The following STIMATE variants were observed in gnomAD, a reference collection of about 807,000 sequenced individuals.
The protein encoded by STIMATE is store-operated calcium entry regulator STIMATE.
Under a neutral mutation model 36.7 loss-of-function variants are expected in STIMATE, and 15 were observed. That is an observed-to-expected ratio of 0.41 (90% CI 0.27 to 0.63). The LOEUF is 0.63. Among genes scored for constraint, STIMATE ranks in the 20% least tolerant of loss-of-function variants. The pLI is 0.32. For synonymous variants in STIMATE, 163 were observed against 162.3 expected, an observed-to-expected ratio of 1.00 and a Z score of -0.03; for missense variants, 305 against 397.3, an observed-to-expected ratio of 0.77 and a Z score of 1.98.
Position 52,868,898 on chromosome 3 carries a change from G to C in STIMATE, c.161-13454C>G, listed in dbSNP as rs527299987. 3.3e-5 allele frequency among the ~76,000 whole-genome samples: 5 copies of C among 152,268 alleles called. No individual in the cohort carries two copies. The South Asian group carries it at 6.2e-4, about 19-fold the overall frequency. On this transcript the variant is annotated intron_variant, in intron 1 of 7. Coordinates refer to ENST00000355083, the MANE Select transcript of STIMATE (RefSeq NM_198563.5). ...GCCTCCCAAAGTGCTGAGATTACAG[G>C]TGTGAGCCAATGCACCTGGCCACAC...
At chr3:52,873,676 G>C (rs183956466) in intron 1 of STIMATE, among the ~76,000 whole-genome samples, 1 of 152,200 alleles carries the variant, frequency 6.6e-6, no homozygotes, top group Non-Finnish European at 1.5e-5. Context: ...CCAGGATGCA[G>C]AATTTGACCT....
intron 1 of STIMATE, among the ~76,000 whole-genome samples, chr3:52,882,382 T>C (rs1313741417): frequency 6.6e-6 from 1 of 152,210 alleles, no homozygotes; most frequent in Non-Finnish European, 1.5e-5. Context: ...AAAGGGACTA[T>C]ACAAGGGTGT....
intron 1 of STIMATE, among the ~76,000 whole-genome samples, chr3:52,861,052 T>C (rs758291769): frequency 6.6e-5 from 10 of 152,084 alleles, no homozygotes; most frequent in Non-Finnish European, 1.3e-4. Context: ...CTTTGCAGGA[T>C]GGAGGGGACT....
At chr3:52,847,158 G>A (rs1700922388) in intron 4 of STIMATE, 12 of 930,490 alleles carry the variant, frequency 1.3e-5, no homozygotes, top group African/African-American at 5.4e-5. Flanking sequence ...GATCCTCCCC[G>A]CTTAAGCCTC....
Position 52,838,982 on chromosome 3 carries a change from C to T in STIMATE, c.*1512G>A, listed in dbSNP as rs940507261. ...TGTTCCTAACCATCCGTGGCTGCCT[C>T]TGAGCTTGACAAACCACCAAGCAGT... On this transcript the variant is annotated 3_prime_UTR_variant, in exon 8 of 8. Coordinates refer to ENST00000355083, the MANE Select transcript of STIMATE (RefSeq NM_198563.5). 6.6e-6 allele frequency: 1 copy of T among 152,262 alleles called. No individual in the cohort carries two copies. The highest frequency in any genetic ancestry group is 2.4e-5 in the African/African-American group (1 of 41,444). The allele number at this position is 152,262 out of a possible 1,614,324, so 9.4% of individuals were successfully genotyped here. A position where few individuals can be genotyped will look rare whatever the true frequency, so the allele number is the denominator to read the frequency against.
In STIMATE at chr3:52,845,639, T is replaced by G. The variant is rs540618423; in HGVS notation, c.428-698A>C. On this transcript the variant is annotated intron_variant, in intron 4 of 7. Transcript: ENST00000355083. ...TGACAAAGGTCCATCTGGGACCCCT[T>G]CAGTCACCATGCTTGAGAAACCGAG... Among the ~76,000 whole-genome samples the G allele has an allele frequency of 4.6e-5, 7 of 152,254 alleles. No individual in the cohort carries two copies. In the East Asian group the frequency reaches 1.2e-3, roughly 25 times the overall value.
intron 1 of STIMATE, among the ~76,000 whole-genome samples, chr3:52,882,900 C>T (rs9876403): frequency 0.25 from 37,671 of 152,060 alleles, 4,971 homozygotes; most frequent in Admixed American, 0.37. Context: ...CAGGGGACGC[C>T]GAGAGCACTT....
intron 1 of STIMATE, among the ~76,000 whole-genome samples, chr3:52,865,403 T>G (rs531483761): frequency 1.3e-5 from 2 of 152,188 alleles, no homozygotes; most frequent in Non-Finnish European, 2.9e-5. Context: ...TGGTACCAAT[T>G]TACAGTATGA....
chr3:52,850,529 A>G (rs773579165), intron 3 of STIMATE, among the ~76,000 whole-genome samples: 66 of 152,320 alleles, frequency 4.3e-4, no homozygotes, highest in South Asian at 2.1e-4. Flanking sequence ...ATCAACAGGA[A>G]ACAGAACTTA....
In STIMATE at chr3:52,837,603, T is replaced by C. The variant is rs1700725209; in HGVS notation, c.*2891A>G. The C allele has an allele frequency of 6.6e-6, 1 of 152,282 alleles. No individual in the cohort carries two copies. The highest frequency in any genetic ancestry group is 2.1e-4 in the South Asian group (1 of 4,844). The allele number at this position is 152,282 out of a possible 1,614,324, so 9.4% of individuals were successfully genotyped here. On this transcript the variant is annotated 3_prime_UTR_variant, in exon 8 of 8. Coordinates refer to ENST00000355083, the MANE Select transcript of STIMATE (RefSeq NM_198563.5). ...GTAACAGTACCAACCACCTCTTCCA[T>C]TTGGATATGACAGTTCTACCTCATT... is the stretch of plus-strand genomic sequence containing the variant.
At chr3:52,844,793 G>C in intron 5 of STIMATE, 36 bp downstream of exon 5, 1 of 1,607,332 alleles carries the variant, frequency 6.2e-7, no homozygotes, top group Non-Finnish European at 8.5e-7. Flanking sequence ...CTTGCTCAGC[G>C]TGGCAAGGAG....
intron 1 of STIMATE, 36 bp from the exon 2 acceptor site, chr3:52,855,480 G>A (rs1701076669): frequency 3.7e-6 from 6 of 1,613,664 alleles, no homozygotes; most frequent in South Asian, 2.2e-5. Context: ...GTTTTCCAAA[G>A]AAGTTACATA....
chr3:52,848,656 T>C (rs1333488907), intron 4 of STIMATE: 1 of 152,276 alleles, frequency 6.6e-6, no homozygotes, highest in Non-Finnish European at 1.5e-5. Flanking sequence ...AGCCATGCAC[T>C]GGCTGGGTGA....
At chr3:52,840,700 GTTT>G (rs71901519) in intron 7 of STIMATE, 90 bp from the exon 8 acceptor site, 42,392 of 789,900 alleles carry the variant, frequency 0.054, 4 homozygotes, top group South Asian at 0.088. Flanking sequence ...CAAGTCTCAT[GTTT>G]TTTTTTTTTT....
rs373494346 is a variant in STIMATE, at chr3:52,844,913, G to C, written c.456C>G (p.Val152=). ...YGDPLQCGAW[V]GQCALYIVIM... ...TCACGATGTAAAGAGCGCACTGCCC[G>C]ACCCAGGCTCCACACTGCAGAGGGT... The change falls in exon 5 of 8, where the codon GTC becomes GTG. Residue 152 remains valine, a synonymous_variant. Transcript: ENST00000355083. 1 of 1,613,962 alleles carries C rather than the reference G, an allele frequency of 6.2e-7. No homozygotes were observed. The highest frequency in any genetic ancestry group is 1.7e-5 in the Admixed American group (1 of 60,018).
chr3:52,877,569 CG>C lies in STIMATE; in HGVS notation c.160+19721del, dbSNP rs553365848. On this transcript the variant is annotated intron_variant, in intron 1 of 7. Transcript: ENST00000355083. Reference sequence around the variant, plus strand: ...AGCCTCTGACCTGCTGGAAAGTCTCCGGTGAGCCATTCAATCCCTCCAGTTC... The same window carrying C: ...AGCCTCTGACCTGCTGGAAAGTCTCCGTGAGCCATTCAATCCCTCCAGTTC... Among the ~76,000 whole-genome samples, 584 of 152,300 alleles carry C rather than the reference CG, an allele frequency of 3.8e-3. 2 individuals are homozygous for C. Among genetic ancestry groups the C allele is most frequent in the Middle Eastern group, 6.8e-3 (2 of 294 alleles).
chr3:52,865,836 C>T (rs778222855), intron 1 of STIMATE, among the ~76,000 whole-genome samples: 3 of 152,206 alleles, frequency 2.0e-5, no homozygotes, highest in Non-Finnish European at 2.9e-5. Flanking sequence ...CAAGACCTTA[C>T]ATATCCTTTC....
intron 1 of STIMATE, among the ~76,000 whole-genome samples, chr3:52,877,809 T>C (rs1701526133): frequency 6.6e-6 from 1 of 152,092 alleles, no homozygotes; most frequent in Non-Finnish European, 1.5e-5. Context: ...AGATAGGTAA[T>C]CACTGGCCGG....
At chr3:52,877,154 T>C (rs967813707) in intron 1 of STIMATE, among the ~76,000 whole-genome samples, 1 of 152,244 alleles carries the variant, frequency 6.6e-6, no homozygotes, top group Non-Finnish European at 1.5e-5. Context: ...CATCACTCTT[T>C]AACACAGCTC....
Sources: gnomAD v4.1 joint callset for allele counts (sites outside exome capture counted in the v4.1 genomes callset) on GRCh38, gnomAD v4.1.1 for gene constraint, MANE v1.5 for transcripts, NCBI Gene and HGNC (gene_info 2026-07-23, HGNC 2026-07-21) for gene names.